NDUFAF6: variants seen among roughly 807,000 people sequenced by gnomAD.
The protein encoded by NDUFAF6 is NADH dehydrogenase (ubiquinone) complex I, assembly factor 6.
NDUFAF6 carries 45 observed loss-of-function variants against 40.8 expected under a neutral mutation model. The observed-to-expected ratio is 1.10, with a 90% confidence interval of 0.87 to 1.42. The LOEUF (loss-of-function observed/expected upper bound fraction) is 1.42. NDUFAF6 is among the 40% of genes most tolerant of loss of function. The pLI, the probability that NDUFAF6 is intolerant of heterozygous loss-of-function variation, is 0.00. For missense variants in NDUFAF6, 435 were observed against 418.5 expected (o/e 1.04, Z -0.34); for synonymous variants, 185 against 155.9 (o/e 1.19, Z -1.39).
downstream of NDUFAF6, among the ~76,000 whole-genome samples, chr8:95,063,198 GT>G (rs1329968160): frequency 6.6e-6 from 1 of 152,236 alleles, no homozygotes; most frequent in Non-Finnish European, 1.5e-5. Flanking sequence ...TATCTACAAT[GT>G]TTCTAATTTA....
intron 2 of NDUFAF6, among the ~76,000 whole-genome samples, chr8:95,015,170 A>G (rs973069670): frequency 6.6e-6 from 1 of 152,192 alleles, no homozygotes; most frequent in Non-Finnish European, 1.5e-5. Flanking sequence ...ACTCGAATCC[A>G]TCTTGTAGTC....
At chr8:95,063,616 C>CAA (rs1294405210), downstream of NDUFAF6, among the ~76,000 whole-genome samples, 1 of 151,910 alleles carries the variant, frequency 6.6e-6, no homozygotes, top group Non-Finnish European at 1.5e-5. Context: ...CAAAACAAAA[C>CAA]AAAAAAACAG....
At chr8:95,050,370 A>G (rs1325688338) in intron 7 of NDUFAF6, among the ~76,000 whole-genome samples, 1 of 152,172 alleles carries the variant, frequency 6.6e-6, no homozygotes, top group Non-Finnish European at 1.5e-5. Flanking sequence ...GATTGAAGAG[A>G]TTATGGAGTT....
chr8:94,962,028 C>T (rs1365926017), intron 1 of NDUFAF6, among the ~76,000 whole-genome samples: 2 of 152,338 alleles, frequency 1.3e-5, no homozygotes, highest in East Asian at 1.9e-4. Flanking sequence ...TGCCTTCCCC[C>T]TTCTTAGCTT....
At chr8:94,909,803 T>C (rs13256661) in intron 1 of NDUFAF6, among the ~76,000 whole-genome samples, 1,551 of 23,288 alleles carry the variant, frequency 0.067, 22 homozygotes, top group African/African-American at 0.11. Context: ...TATATACACA[T>C]ATATATATAT....
At chr8:95,089,949 T>C (rs902176577) in intron 2 of NDUFAF6, among the ~76,000 whole-genome samples, 2 of 152,156 alleles carry the variant, frequency 1.3e-5, no homozygotes, top group Non-Finnish European at 2.9e-5. Context: ...ACTTTCCTAC[T>C]GTTTGGATAA....
chr8:95,082,098 G>A (rs1808890788), intron 2 of NDUFAF6, among the ~76,000 whole-genome samples: 1 of 152,108 alleles, frequency 6.6e-6, no homozygotes, highest in South Asian at 2.1e-4. Flanking sequence ...AACTCCTGTT[G>A]TTAAAATCTG....
chr8:95,072,292 G>A (rs1348950573), intron 9 of NDUFAF6, among the ~76,000 whole-genome samples: 5 of 152,242 alleles, frequency 3.3e-5, no homozygotes, highest in African/African-American at 1.2e-4. Flanking sequence ...CTAAGAACCT[G>A]ACTATCCTTT....
intron 2 of NDUFAF6, among the ~76,000 whole-genome samples, chr8:95,004,115 A>G (rs530517713): frequency 2.0e-5 from 3 of 152,174 alleles, no homozygotes; most frequent in East Asian, 3.9e-4. Context: ...TCCTCTGCAG[A>G]CCTGGCTTCC....
chr8:94,907,531 A>G (rs1400770457), intron 1 of NDUFAF6, among the ~76,000 whole-genome samples: 3 of 152,222 alleles, frequency 2.0e-5, no homozygotes, highest in Non-Finnish European at 2.9e-5. Flanking sequence ...ACAGTTTACC[A>G]TAGCTGAAAC....
rs202091026 is a variant in NDUFAF6, at chr8:94,917,569, C to CCCCCCAT, written c.-936+21646_-936+21647insCATCCCC. 3.4e-3 allele frequency among the ~76,000 whole-genome samples: 519 copies of CCCCCCAT among 152,126 alleles called. 4 individuals are homozygous for CCCCCCAT. Among genetic ancestry groups the CCCCCCAT allele is most frequent in the East Asian group, 0.032 (164 of 5,184 alleles). ...TACCAATGTGTATTGGCAATGGCAT[C>CCCCCCAT]CCCCAAAATTGGTTTTAAAATAGAA... On this transcript the variant is annotated intron_variant, in intron 1 of 14. Coordinates refer to the NDUFAF6 transcript ENST00000396113.
intron 1 of NDUFAF6, among the ~76,000 whole-genome samples, chr8:94,920,546 C>G (rs1340415425): frequency 1.3e-5 from 2 of 152,204 alleles, no homozygotes; most frequent in African/African-American, 2.4e-5. Context: ...GCATGTCCCC[C>G]ACCCAGGGTG....
intron 1 of NDUFAF6, among the ~76,000 whole-genome samples, chr8:94,967,536 C>G (rs11779698): frequency 0.13 from 19,916 of 152,124 alleles, 1,637 homozygotes; most frequent in Middle Eastern, 0.23. Flanking sequence ...AACTCAGAGG[C>G]TTAAAACAGC....
At chr8:95,032,455 A>G (rs1828967723) in intron 2 of NDUFAF6, among the ~76,000 whole-genome samples, 1 of 152,240 alleles carries the variant, frequency 6.6e-6, no homozygotes, top group Non-Finnish European at 1.5e-5. Flanking sequence ...GCAGTTTTTC[A>G]AAGCATTTTT....
At chr8:94,954,250 A>T (rs557536188), upstream of NDUFAF6, among the ~76,000 whole-genome samples, 1 of 152,138 alleles carries the variant, frequency 6.6e-6, no homozygotes, top group East Asian at 1.9e-4. Context: ...TTTAGTAGAG[A>T]CAGGGTTTCA....
intron 1 of NDUFAF6, among the ~76,000 whole-genome samples, chr8:94,899,654 T>A (rs990627045): frequency 6.6e-6 from 1 of 152,210 alleles, no homozygotes; most frequent in African/African-American, 2.4e-5. Context: ...TATCACCAAA[T>A]TCCTTTCTCT....
chr8:95,025,304 G>A lies in NDUFAF6; in HGVS notation c.197+99G>A. The A allele has an allele frequency of 2.2e-5, 27 of 1,208,270 alleles. 1 individual carries two copies. The South Asian group carries it at 3.7e-4, about 16-fold the overall frequency. The allele number at this position is 1,208,270 out of a possible 1,614,324, so 74.8% of individuals were successfully genotyped here. A position where few individuals can be genotyped will look rare whatever the true frequency, so the allele number is the denominator to read the frequency against. On this transcript the variant is annotated intron_variant, in intron 1 of 8. Transcript: ENST00000396124. ...GGCCTGACGTTTGAGCGAGCGGACC[G>A]GCGCCTTCCTCGTGCCCCTCTGGGT...
chr8:95,043,086 C>CTT (rs113805309), intron 4 of NDUFAF6, among the ~76,000 whole-genome samples: 6 of 132,584 alleles, frequency 4.5e-5, no homozygotes, highest in Middle Eastern at 3.9e-3. Flanking sequence ...GCAGTGGTTT[C>CTT]TTTTTTTTTT....
intron 3 of NDUFAF6, chr8:95,036,208 C>A: frequency 1.0e-6 from 1 of 998,628 alleles, no homozygotes; most frequent in South Asian, 1.7e-5. Flanking sequence ...CACTCATAAG[C>A]AGCCACACAT....
Sources: allele counts gnomAD v4.1 joint callset (sites outside exome capture counted in the v4.1 genomes callset), GRCh38; gene constraint gnomAD v4.1.1; transcripts MANE v1.5; gene names NCBI Gene and HGNC (gene_info 2026-07-23, HGNC 2026-07-21).